Variants in SYT16 observed in about 807,000 individuals in gnomAD.
SYT16 encodes the protein synaptotagmin 16.
Under a neutral mutation model 61.4 loss-of-function variants are expected in SYT16, and 42 were observed. That is an observed-to-expected ratio of 0.68 (90% confidence interval 0.53 to 0.89). SYT16 has a LOEUF of 0.89. Among genes scored for constraint, SYT16 ranks in the 40% least tolerant of loss-of-function variants. The pLI is 0.00. For synonymous variants in SYT16, 314 were observed against 302.3 expected (o/e 1.04, Z -0.40); for missense variants, 804 against 807.3 (o/e 1.00, Z 0.05).
In SYT16 at chr14:62,038,135, A is replaced by G. The variant is rs116049617; in HGVS notation, c.524-31468A>G. Reference sequence around the variant, plus strand: ...ATAGGATGTGGATAGGGGTTTCTCCAGGGCCCACACATGGCCGGTAGTTTC... The same window carrying G: ...ATAGGATGTGGATAGGGGTTTCTCCGGGGCCCACACATGGCCGGTAGTTTC... On this transcript the variant is annotated intron_variant, in intron 3 of 7. Transcript: ENST00000683842. Among the ~76,000 whole-genome samples, 669 of 151,628 alleles carry G rather than the reference A, an allele frequency of 4.4e-3. 3 individuals carry two copies. The highest frequency in any genetic ancestry group is 0.015 in the African/African-American group (630 of 41,428).
chr14:62,047,539 C>T (rs2055049566), intron 3 of SYT16, among the ~76,000 whole-genome samples: 2 of 152,110 alleles, frequency 1.3e-5, no homozygotes, highest in East Asian at 1.9e-4. Context: ...GAGAGGGCAT[C>T]CCTGTCTTGT....
chr14:62,092,948 T>G (rs1250646437), intron 7 of SYT16, among the ~76,000 whole-genome samples: 1 of 152,070 alleles, frequency 6.6e-6, no homozygotes, highest in Non-Finnish European at 1.5e-5. Flanking sequence ...CAGAGGATAT[T>G]GCAAAACCAG....
intron 3 of SYT16, among the ~76,000 whole-genome samples, chr14:62,067,293 A>T (rs79400616): frequency 6.6e-6 from 1 of 152,194 alleles, no homozygotes; most frequent in African/African-American, 2.4e-5. Context: ...CATGGAAGTT[A>T]TAGGGGAGAA....
chr14:61,899,954 G>C (rs1846656509), intron 1 of SYT16, among the ~76,000 whole-genome samples: 1 of 152,124 alleles, frequency 6.6e-6, no homozygotes, highest in South Asian at 2.1e-4. Context: ...TTGATAAAAT[G>C]ACTGACATAA....
chr14:61,890,624 TAG>T (rs1012674293), intron 1 of SYT16, among the ~76,000 whole-genome samples: 7 of 152,130 alleles, frequency 4.6e-5, no homozygotes, highest in South Asian at 2.1e-4. Context: ...TAGATTTTTA[TAG>T]AGTCTTGAAA....
intron 3 of SYT16, among the ~76,000 whole-genome samples, chr14:62,059,479 A>G (rs1050190901): frequency 2.0e-5 from 3 of 151,864 alleles, no homozygotes; most frequent in African/African-American, 7.3e-5. Context: ...CCTTTTTGTA[A>G]ATGACATTGT....
chr14:61,853,716 G>A (rs2046687271), intron 1 of SYT16, among the ~76,000 whole-genome samples: 1 of 152,148 alleles, frequency 6.6e-6, no homozygotes, highest in Admixed American at 6.6e-5. Context: ...ACAGCAGTCT[G>A]AATGGACAAA....
At chr14:61,925,446 A>G (rs1431774632) in intron 1 of SYT16, among the ~76,000 whole-genome samples, 1 of 152,226 alleles carries the variant, frequency 6.6e-6, no homozygotes, top group Non-Finnish European at 1.5e-5. Flanking sequence ...AAAATGGTGT[A>G]TTAGCATTTG....
chr14:61,917,550 G>A (rs1223072473), intron 1 of SYT16, among the ~76,000 whole-genome samples: 3 of 152,144 alleles, frequency 2.0e-5, no homozygotes, highest in African/African-American at 7.2e-5. Flanking sequence ...CATAAAGCCA[G>A]TGCAATTGAA....
chr14:62,110,721 C>A lies in SYT16; in HGVS notation c.*10014C>A, dbSNP rs2057593323. 6.6e-6 allele frequency: 1 copy of A among 152,068 alleles called. No individual in the cohort carries two copies. The highest frequency in any genetic ancestry group is 6.6e-5 in the Admixed American group (1 of 15,266). 9.4% of individuals were successfully genotyped at this position (152,068 alleles called of 1,614,324 possible). ...ACAAACTGCAAATCCATGTTTTCAG[C>A]AGGTTCGCCAACCTTTGAGTTGAAT... On this transcript the variant is annotated 3_prime_UTR_variant, in exon 8 of 8. Transcript: ENST00000683842.
At chr14:61,928,778 A>G (rs1196904971) in intron 1 of SYT16, among the ~76,000 whole-genome samples, 1 of 152,192 alleles carries the variant, frequency 6.6e-6, no homozygotes, top group Non-Finnish European at 1.5e-5. Flanking sequence ...AGAACTGAGC[A>G]TTACTTCCTT....
intron 3 of SYT16, among the ~76,000 whole-genome samples, chr14:62,047,404 A>AT (rs2140874452): frequency 6.6e-6 from 1 of 152,286 alleles, no homozygotes; most frequent in South Asian, 2.1e-4. Flanking sequence ...TAGATATACA[A>AT]TCATGTCATC....
intron 1 of SYT16, among the ~76,000 whole-genome samples, chr14:61,914,140 G>C (rs1252007303): frequency 6.6e-6 from 1 of 152,126 alleles, no homozygotes; most frequent in Non-Finnish European, 1.5e-5. Context: ...GTTTGGGATA[G>C]CATTAATTTC....
rs535548986 is a variant in SYT16 at position 61,844,506 on chromosome 14, A to G, written c.-325+31696A>G. ...TTTAAGTTTTTCCTCATTTAGTAGG[A>G]TACTAGCTATGGGTCTGTTATATAT... On this transcript the variant is annotated intron_variant, in intron 1 of 7. Coordinates refer to ENST00000683842, the MANE Select transcript of SYT16 (RefSeq NM_001367656.1). 2.7e-4 allele frequency among the ~76,000 whole-genome samples: 41 copies of G among 152,288 alleles called. 1 individual carries two copies. The South Asian group carries it at 7.9e-3, about 29-fold the overall frequency.
rs141285019 is a variant in SYT16 at position 61,847,000 on chromosome 14, T to A, written c.-325+34190T>A. On this transcript the variant is annotated intron_variant, in intron 1 of 7. Transcript: ENST00000683842. Reference sequence around the variant, plus strand: ...AAACTTTTTGTTGCTTCTCTTTATATCTTACTGTACTGTCTACATTTTGAA... The same window carrying A: ...AAACTTTTTGTTGCTTCTCTTTATAACTTACTGTACTGTCTACATTTTGAA... 2.1e-3 allele frequency among the ~76,000 whole-genome samples: 324 copies of A among 152,328 alleles called. 1 individual carries two copies. The highest frequency in any genetic ancestry group is 7.6e-3 in the African/African-American group (314 of 41,574).
At chr14:61,912,133 A>G (rs2048956486) in intron 1 of SYT16, among the ~76,000 whole-genome samples, 1 of 152,196 alleles carries the variant, frequency 6.6e-6, no homozygotes, top group South Asian at 2.1e-4. Context: ...TTTGATTACC[A>G]GTTAATATTT....
chr14:61,954,413 T>C (rs551941215), intron 1 of SYT16, among the ~76,000 whole-genome samples: 1 of 152,122 alleles, frequency 6.6e-6, no homozygotes, highest in African/African-American at 2.4e-5. Context: ...CGTTATATGT[T>C]CTGCCTTCTC....
intron 3 of SYT16, among the ~76,000 whole-genome samples, chr14:62,034,916 T>C (rs1440159101): frequency 6.6e-6 from 1 of 152,210 alleles, no homozygotes; most frequent in Non-Finnish European, 1.5e-5. Context: ...ACAAAAACTG[T>C]TCCAGTTGAT....
chr14:61,814,509 A>G (rs1472382939), intron 1 of SYT16, among the ~76,000 whole-genome samples: 1 of 152,240 alleles, frequency 6.6e-6, no homozygotes, highest in East Asian at 1.9e-4. Context: ...CCCTAGAAAA[A>G]TAAACTGAGA....
Sources: gnomAD v4.1 joint callset for allele counts (sites outside exome capture counted in the v4.1 genomes callset) on GRCh38, gnomAD v4.1.1 for gene constraint, MANE v1.5 for transcripts, NCBI Gene and HGNC (gene_info 2026-07-23, HGNC 2026-07-21) for gene names.